The following OPN3 variants were observed in gnomAD, a reference collection of about 807,000 sequenced individuals.
The protein encoded by OPN3 is opsin-3.
OPN3 carries 29 observed loss-of-function variants against 33.8 expected under a neutral mutation model. That is an observed-to-expected ratio of 0.86 (90% CI 0.64 to 1.17). OPN3 has a LOEUF of 1.17. Ranked by LOEUF, OPN3 falls within the 50% of genes most tolerant of loss-of-function variation. The pLI is 0.00. For missense variants in OPN3, 437 were observed against 514.1 expected, an observed-to-expected ratio of 0.85 and a Z score of 1.45; for synonymous variants, 216 against 216.1, an observed-to-expected ratio of 1.00 and a Z score of 0.00.
chr1:241,597,639 T>G (rs1441787640), intron 3 of OPN3, 107 bp downstream of exon 3: 10 of 873,028 alleles, frequency 1.1e-5, no homozygotes, highest in Non-Finnish European at 1.6e-5. Flanking sequence ...AAAATTCTTG[T>G]TTTTTTTTTA....
At chr1:241,600,244 T>C (rs1663645748) in intron 2 of OPN3, 1 of 152,254 alleles carries the variant, frequency 6.6e-6, no homozygotes, top group Non-Finnish European at 1.5e-5. Flanking sequence ...TTTTAGATTA[T>C]TTGGGTTTAT....
Position 241,613,303 on chromosome 1 carries a change from C to T in OPN3, c.374-8724G>A, listed in dbSNP as rs142884438. 1.8e-3 allele frequency among the ~76,000 whole-genome samples: 270 copies of T among 152,204 alleles called. 1 individual carries two copies. The highest frequency in any genetic ancestry group is 9.3e-3 in the East Asian group (48 of 5,180). ...GTGAGACATGTAGGAATTATAATTA[C>T]GATTCCCATTTTACAGATGAAGAAA... On this transcript the variant is annotated intron_variant, in intron 1 of 3. Transcript: ENST00000366554.
intron 1 of OPN3, among the ~76,000 whole-genome samples, chr1:241,621,250 T>A (rs1664263377): frequency 6.6e-6 from 1 of 152,088 alleles, no homozygotes; most frequent in Non-Finnish European, 1.5e-5. Context: ...AAAATAAAAT[T>A]CACTGAGGAT....
chr1:241,614,727 T>A (rs1336353379), intron 1 of OPN3, among the ~76,000 whole-genome samples: 1 of 152,282 alleles, frequency 6.6e-6, no homozygotes, highest in Non-Finnish European at 1.5e-5. Context: ...CTTAGGCTTT[T>A]CTGCCTACAG....
At chr1:241,627,326 ATG>A (rs1664448340) in intron 1 of OPN3, among the ~76,000 whole-genome samples, 1 of 152,178 alleles carries the variant, frequency 6.6e-6, no homozygotes, top group Non-Finnish European at 1.5e-5. Context: ...ATAGTGCTTT[ATG>A]TGTTACATAT....
chr1:241,633,905 T>C, intron 1 of OPN3: 2 of 1,613,922 alleles, frequency 1.2e-6, no homozygotes, highest in South Asian at 1.1e-5. Context: ...CTGCTTATCA[T>C]CACCATCAAA....
At chr1:241,620,645 G>C (rs1664249347) in intron 1 of OPN3, among the ~76,000 whole-genome samples, 1 of 150,926 alleles carries the variant, frequency 6.6e-6, no homozygotes, top group Non-Finnish European at 1.5e-5. Context: ...CCCACTTTAG[G>C]GTATTTTGTT....
intron 2 of OPN3, among the ~76,000 whole-genome samples, chr1:241,598,750 T>C (rs1390982842): frequency 6.6e-6 from 1 of 152,224 alleles, no homozygotes; most frequent in African/African-American, 2.4e-5. Context: ...TTATTATATA[T>C]GTGTCATAAT....
intron 1 of OPN3, among the ~76,000 whole-genome samples, chr1:241,639,618 G>T (rs536330824): frequency 3.3e-5 from 5 of 151,934 alleles, no homozygotes; most frequent in Non-Finnish European, 5.9e-5. Flanking sequence ...GGGTCAACGT[G>T]GGGGGCAGAT....
chr1:241,606,969 A>G (rs1035393770), intron 1 of OPN3, among the ~76,000 whole-genome samples: 1 of 152,208 alleles, frequency 6.6e-6, no homozygotes, highest in African/African-American at 2.4e-5. Context: ...CGATTCTGCA[A>G]TTAATAAGAA....
chr1:241,599,585 CTG>C (rs1201735918), intron 2 of OPN3, among the ~76,000 whole-genome samples: 1 of 152,078 alleles, frequency 6.6e-6, no homozygotes, highest in African/African-American at 2.4e-5. Context: ...TTAAAAGAAA[CTG>C]TTTTATTTAA....
At position 241,604,481 on chromosome 1, in the gene OPN3, T is replaced by C. The variant is rs1189037802; in HGVS notation, c.472A>G (p.Ile158Val). ...AGTGAGTAGAGCCAGATGTAGGTAA[T>C]GGCCCTCCAGGCCCAGGAAAAATTG... Reference protein sequence around the residue: ...VINFSWAWRAITYIWLYSLAW... With the variant: ...VINFSWAWRAVTYIWLYSLAW... The change falls in exon 2 of 4, where the codon ATT becomes GTT. Residue 158 changes from isoleucine (I) to valine (V), a missense_variant. Coordinates refer to ENST00000366554, the MANE Select transcript of OPN3 (RefSeq NM_014322.3). 2 of 1,614,092 alleles carry C rather than the reference T, an allele frequency of 1.2e-6. No homozygotes were observed. Among genetic ancestry groups the C allele is most frequent in the South Asian group, 1.1e-5 (1 of 91,078 alleles).
At chr1:241,611,199 C>T (rs574477585) in intron 1 of OPN3, among the ~76,000 whole-genome samples, 1 of 152,214 alleles carries the variant, frequency 6.6e-6, no homozygotes, top group South Asian at 2.1e-4. Flanking sequence ...TAGATGGCCA[C>T]ATTGAATAGC....
intron 2 of OPN3, among the ~76,000 whole-genome samples, chr1:241,601,619 T>C (rs1663679741): frequency 6.6e-6 from 1 of 152,082 alleles, no homozygotes; most frequent in South Asian, 2.1e-4. Flanking sequence ...GGCAGGAGAA[T>C]TGCTTGAACC....
chr1:241,621,748 A>G (rs1439206626), intron 1 of OPN3, among the ~76,000 whole-genome samples: 1 of 152,146 alleles, frequency 6.6e-6, no homozygotes, highest in Non-Finnish European at 1.5e-5. Context: ...GTGGAAGCTC[A>G]GGATTGGAAC....
At position 241,594,123 on chromosome 1, in the gene OPN3, T is replaced by G; in HGVS notation, c.*305A>C. 3.3e-6 allele frequency: 1 copy of G among 303,380 alleles called. No homozygotes were observed. The highest frequency in any genetic ancestry group is 2.2e-5 in the African/African-American group (1 of 46,132). The allele number at this position is 303,380 out of a possible 1,614,324, so 18.8% of individuals were successfully genotyped here. ...AAAATGCATTACGTGTTTTGGAAAA[T>G]AGAGTAATTTAAAAAATATATTTGA... is the stretch of plus-strand genomic sequence containing the variant. On this transcript the variant is annotated 3_prime_UTR_variant, in exon 4 of 4. Transcript: ENST00000366554.
rs1664887918 is a variant in OPN3, at chr1:241,636,106, G to T, written c.373+3776C>A. The T allele has an allele frequency of 2.3e-5, 10 of 433,448 alleles. 1 individual carries two copies. The South Asian group carries it at 7.6e-4, about 33-fold the overall frequency. 26.9% of individuals were successfully genotyped at this position (433,448 alleles called of 1,614,324 possible). A position where few individuals can be genotyped will look rare whatever the true frequency, so the allele number is the denominator to read the frequency against. On this transcript the variant is annotated intron_variant, in intron 1 of 3. Coordinates refer to ENST00000366554, the MANE Select transcript of OPN3 (RefSeq NM_014322.3). ...AAGAAAATTCAAGAAAGAATACATT[G>T]TAAACAATATAAGAGAAAAATAATT...
chr1:241,640,291 C>A lies in OPN3; in HGVS notation c.-37G>T. 2 of 1,144,002 alleles carry A rather than the reference C, an allele frequency of 1.7e-6. No individual in the cohort carries two copies. The highest frequency in any genetic ancestry group is 1.1e-6 in the Non-Finnish European group (1 of 934,682). 70.9% of individuals were successfully genotyped at this position (1,144,002 alleles called of 1,614,324 possible). A position where few individuals can be genotyped will look rare whatever the true frequency, so the allele number is the denominator to read the frequency against. On this transcript the variant is annotated 5_prime_UTR_variant, in exon 1 of 4. The change abolishes the stop of an existing upstream ORF in the 5' untranslated region. Coordinates refer to ENST00000366554, the MANE Select transcript of OPN3 (RefSeq NM_014322.3). The stretch of plus-strand genomic sequence containing the variant: ...GGCGCGCCTGGCGGGCGGAGGCGCT[C>A]AGCTTGCGGCGGGGCTCGCGGCGCG...
intron 1 of OPN3, among the ~76,000 whole-genome samples, chr1:241,627,875 A>C (rs569957301): frequency 3.9e-5 from 6 of 152,174 alleles, no homozygotes; most frequent in Non-Finnish European, 7.3e-5. Flanking sequence ...AATTAATCTT[A>C]ATCAGAATTT....
Sources: gnomAD v4.1 joint callset for allele counts (sites outside exome capture counted in the v4.1 genomes callset) on GRCh38, gnomAD v4.1.1 for gene constraint, MANE v1.5 for transcripts, NCBI Gene and HGNC (gene_info 2026-07-23, HGNC 2026-07-21) for gene names.